The following HS1BP3 variants were observed in gnomAD, a reference collection of about 807,000 sequenced individuals.
The protein encoded by HS1BP3 is HCLS1-binding protein 3.
A neutral mutation model predicts 33.5 loss-of-function variants in HS1BP3; 32 were observed. That is an observed-to-expected ratio of 0.95 (90% CI 0.72 to 1.28). The LOEUF (loss-of-function observed/expected upper bound fraction) is 1.28. Ranked by LOEUF, HS1BP3 falls within the 50% of genes most tolerant of loss-of-function variation. The pLI is 0.00. For synonymous variants in HS1BP3, 187 were observed against 209.2 expected, an observed-to-expected ratio of 0.89 and a Z score of 0.92; for missense variants, 486 against 502.3, an observed-to-expected ratio of 0.97 and a Z score of 0.31.
At chr2:20,620,223 T>G (rs892399498) in intron 6 of HS1BP3, among the ~76,000 whole-genome samples, 3 of 152,182 alleles carry the variant, frequency 2.0e-5, no homozygotes, top group Non-Finnish European at 4.4e-5. Context: ...CTCCAAACAC[T>G]GTGTGGTCGC....
chr2:20,588,945 G>A (rs1220669118), downstream of HS1BP3, among the ~76,000 whole-genome samples: 1 of 152,178 alleles, frequency 6.6e-6, no homozygotes, highest in African/African-American at 2.4e-5. Context: ...CAGGGCGTTC[G>A]TGCTTGTCTC....
chr2:20,626,776 C>T (rs932996557), intron 4 of HS1BP3, among the ~76,000 whole-genome samples: 1 of 152,142 alleles, frequency 6.6e-6, no homozygotes, highest in Non-Finnish European at 1.5e-5. Flanking sequence ...GAGGGAGCCT[C>T]GATTCTCCAC....
At chr2:20,626,753 T>C (rs369305635) in intron 4 of HS1BP3, among the ~76,000 whole-genome samples, 16 of 152,262 alleles carry the variant, frequency 1.1e-4, no homozygotes, top group African/African-American at 2.6e-4. Context: ...CTTGTGGTGC[T>C]GGAGGTGAGG....
chr2:20,579,469 C>T (rs532480618), intron 5 of HS1BP3, among the ~76,000 whole-genome samples: 2 of 152,362 alleles, frequency 1.3e-5, no homozygotes, highest in South Asian at 2.1e-4. Flanking sequence ...CAGGAGATAT[C>T]CTGCATGACT....
rs35972581 is a variant in HS1BP3 at position 20,618,194 on chromosome 2, T to C, written c.*793A>G. The stretch of plus-strand genomic sequence containing the variant: ...TGTGCCCAGAGGCCCAAGAAGGCCA[T>C]GGACTGGGCTGGCCTTTCCTGGGAA... On this transcript the variant is annotated 3_prime_UTR_variant, in exon 7 of 7. Coordinates refer to ENST00000304031, the MANE Select transcript of HS1BP3 (RefSeq NM_022460.4). 12,797 of 152,330 alleles carry C rather than the reference T, an allele frequency of 0.084. 726 individuals carry two copies. The highest frequency in any genetic ancestry group is 0.13 in the Non-Finnish European group (9,141 of 68,066). The allele number at this position is 152,330 out of a possible 1,614,324, so 9.4% of individuals were successfully genotyped here.
chr2:20,621,176 A>T (rs188751128), intron 6 of HS1BP3, among the ~76,000 whole-genome samples: 6 of 152,226 alleles, frequency 3.9e-5, no homozygotes, highest in African/African-American at 1.4e-4. Flanking sequence ...GATACCTCTG[A>T]TCAGGACAAC....
chr2:20,579,195 G>T (rs1307546778), intron 5 of HS1BP3, among the ~76,000 whole-genome samples: 1 of 152,280 alleles, frequency 6.6e-6, no homozygotes, highest in African/African-American at 2.4e-5. Context: ...CAAAGCGGGG[G>T]TTTCCCTGGG....
chr2:20,588,562 C>T (rs754296630), downstream of HS1BP3, among the ~76,000 whole-genome samples: 3 of 152,158 alleles, frequency 2.0e-5, no homozygotes, highest in Non-Finnish European at 1.5e-5. Flanking sequence ...TGAAGTGATC[C>T]GACTGCCTCG....
chr2:20,605,656 A>G (rs1257247773), intron 2 of HS1BP3, among the ~76,000 whole-genome samples: 1 of 152,060 alleles, frequency 6.6e-6, no homozygotes, highest in Admixed American at 6.5e-5. Flanking sequence ...TTTTCTGGGT[A>G]TTTCATATAA....
intron 5 of HS1BP3, among the ~76,000 whole-genome samples, chr2:20,566,667 C>T (rs745733886): frequency 1.3e-4 from 20 of 150,628 alleles, no homozygotes; most frequent in Non-Finnish European, 2.4e-4. Context: ...AGTGCAATGG[C>T]GCGATCTCAG....
At chr2:20,620,334 C>T (rs1694557332) in intron 6 of HS1BP3, among the ~76,000 whole-genome samples, 1 of 152,244 alleles carries the variant, frequency 6.6e-6, no homozygotes. Context: ...CAGGACTTGG[C>T]CTGCATGTGG....
At chr2:20,606,406 C>T (rs1694177203) in intron 2 of HS1BP3, 2 of 475,922 alleles carry the variant, frequency 4.2e-6, no homozygotes, top group Non-Finnish European at 8.4e-6. Flanking sequence ...CTGCCCTGGC[C>T]AGGGAGACTC....
chr2:20,598,605 C>G (rs1343975408), intron 2 of HS1BP3, among the ~76,000 whole-genome samples: 1 of 113,158 alleles, frequency 8.8e-6, no homozygotes, highest in African/African-American at 3.5e-5. Context: ...GTCGCCCAGG[C>G]TGGAGTGCAG....
chr2:20,647,393 G>T (rs1314616753), intron 1 of HS1BP3, among the ~76,000 whole-genome samples: 2 of 152,212 alleles, frequency 1.3e-5, no homozygotes, highest in Non-Finnish European at 2.9e-5. Flanking sequence ...CGTGACTGGG[G>T]ACAGACATGG....
intron 5 of HS1BP3, among the ~76,000 whole-genome samples, chr2:20,571,396 C>T (rs1693269680): frequency 1.3e-5 from 2 of 152,196 alleles, no homozygotes; most frequent in Non-Finnish European, 1.5e-5. Context: ...ACTCTTGGAG[C>T]CAGAGGCCTG....
intron 5 of HS1BP3, among the ~76,000 whole-genome samples, chr2:20,576,646 A>T (rs1315628658): frequency 6.6e-6 from 1 of 152,242 alleles, no homozygotes; most frequent in Non-Finnish European, 1.5e-5. Flanking sequence ...GCCAACAAAT[A>T]CTGCTACCCC....
At chr2:20,603,519 A>C (rs183627234) in intron 2 of HS1BP3, among the ~76,000 whole-genome samples, 1 of 152,364 alleles carries the variant, frequency 6.6e-6, no homozygotes, top group Non-Finnish European at 1.5e-5. Context: ...CCATATATAT[A>C]AAATGTCCAG....
intron 5 of HS1BP3, among the ~76,000 whole-genome samples, chr2:20,577,730 C>A (rs1240247301): frequency 1.3e-5 from 2 of 152,164 alleles, no homozygotes; most frequent in Non-Finnish European, 2.9e-5. Flanking sequence ...GCTGGAATTG[C>A]CAGGCCTCTG....
intron 3 of HS1BP3, among the ~76,000 whole-genome samples, chr2:20,595,422 C>A (rs1000829): frequency 6.6e-6 from 1 of 152,176 alleles, no homozygotes; most frequent in Non-Finnish European, 1.5e-5. Context: ...TCATCCTCCT[C>A]CTCCTCACAG....
Sources: allele counts gnomAD v4.1 joint callset (sites outside exome capture counted in the v4.1 genomes callset), GRCh38; gene constraint gnomAD v4.1.1; transcripts MANE v1.5; gene names NCBI Gene and HGNC (gene_info 2026-07-23, HGNC 2026-07-21).